ZBTB46: variants seen among roughly 807,000 people sequenced by gnomAD.
ZBTB46 encodes the protein zinc finger and BTB domain containing 46.
In ZBTB46, 8 loss-of-function variants were observed where a neutral mutation model predicts 44.1. That is an observed-to-expected ratio of 0.18 (90% CI 0.11 to 0.33). ZBTB46 has a LOEUF of 0.33. Ranked by LOEUF, ZBTB46 falls within the 10% of genes least tolerant of loss-of-function variation. The probability of loss-of-function intolerance (pLI) is 1.00; values close to 1 mark genes in which losing one functional copy is unlikely to be tolerated. For synonymous variants in ZBTB46, 409 were observed against 382.3 expected (o/e 1.07, Z -0.81); for missense variants, 651 against 847.7 (o/e 0.77, Z 2.88).
At chr20:63,821,794 A>G (rs1297917336) in intron 1 of ZBTB46, among the ~76,000 whole-genome samples, 3 of 152,206 alleles carry the variant, frequency 2.0e-5, no homozygotes, top group African/African-American at 7.2e-5. Flanking sequence ...TACTTAAAGT[A>G]CAGAGTAACA....
chr20:63,809,214 G>A (rs1359522371), intron 1 of ZBTB46, among the ~76,000 whole-genome samples: 3 of 146,326 alleles, frequency 2.1e-5, no homozygotes, highest in Admixed American at 2.0e-4. Context: ...GAGCCAAGGG[G>A]GGCAAGGTCA....
chr20:63,756,786 T>C (rs2092224344), intron 3 of ZBTB46, among the ~76,000 whole-genome samples: 1 of 152,190 alleles, frequency 6.6e-6, no homozygotes, highest in African/African-American at 2.4e-5. Context: ...CCTACCCTCG[T>C]GTTGGGCTTT....
chr20:63,806,635 A>G (rs4809348), intron 1 of ZBTB46, among the ~76,000 whole-genome samples: 27,373 of 151,958 alleles, frequency 0.18, 3,002 homozygotes, highest in East Asian at 0.45. Flanking sequence ...TTGAGATGGA[A>G]TCTGGCTCTG....
At chr20:63,756,199 G>A (rs2145781952) in intron 3 of ZBTB46, among the ~76,000 whole-genome samples, 1 of 152,326 alleles carries the variant, frequency 6.6e-6, no homozygotes, top group South Asian at 2.1e-4. Context: ...TTCCGCTCCA[G>A]GAGAATCGGA....
chr20:63,759,587 G>A (rs1307911022), intron 3 of ZBTB46, among the ~76,000 whole-genome samples: 1 of 152,034 alleles, frequency 6.6e-6, no homozygotes, highest in Non-Finnish European at 1.5e-5. Flanking sequence ...GAGGAGGGGG[G>A]CAAGGGAGGT....
intron 1 of ZBTB46, among the ~76,000 whole-genome samples, chr20:63,812,592 T>C (rs1279463324): frequency 6.6e-6 from 1 of 151,878 alleles, no homozygotes; most frequent in Non-Finnish European, 1.5e-5. Flanking sequence ...CTGGTCAACA[T>C]GTGGAAACCC....
intron 3 of ZBTB46, among the ~76,000 whole-genome samples, chr20:63,758,082 G>A (rs9753647): frequency 0.51 from 2,338 of 4,546 alleles, 599 homozygotes; most frequent in East Asian, 0.66. Flanking sequence ...CGCCCATCCA[G>A]AGCTCACACT....
Position 63,752,740 on chromosome 20 carries a change from G to A in ZBTB46, c.1344C>T (p.Cys448=), listed in dbSNP as rs759572226. ...RSHTGERPYP[C]EICGKKFTRR... is the part of the protein sequence containing the mutation. ...GCGTGAACTTCTTCCCGCAGATCTCGCAGGGGTAGGGCCGCTCTCCCGTGT... is the reference window on the plus strand; with the variant it reads ...GCGTGAACTTCTTCCCGCAGATCTCACAGGGGTAGGGCCGCTCTCCCGTGT... The change falls in exon 4 of 5, where the codon TGC becomes TGT. Residue 448 remains cysteine, a synonymous_variant. Transcript: ENST00000245663. The surrounding 1 kb of genome is among the most constrained non-coding windows in gnomAD (Gnocchi z 5.6). 4 of 1,610,116 alleles carry A rather than the reference G, an allele frequency of 2.5e-6. No homozygotes were observed. Among genetic ancestry groups the A allele is most frequent in the Admixed American group, 1.7e-5 (1 of 59,856 alleles).
chr20:63,790,000 T>C lies in ZBTB46; in HGVS notation c.758A>G (p.Asn253Ser), dbSNP rs769845830. Reference sequence around the variant, plus strand: ...ACCAGCACTCTGCTCTGAGAAAGAGTTCTGTACTGCACCGTCCTTGGCAGA... The same window carrying C: ...ACCAGCACTCTGCTCTGAGAAAGAGCTCTGTACTGCACCGTCCTTGGCAGA... Reference protein sequence around the residue: ...LPSAKDGAVQNSFSEQSAGDA... With the variant: ...LPSAKDGAVQSSFSEQSAGDA... The change falls in exon 2 of 5, where the codon AAC (asparagine) becomes AGC (serine). Residue 253 changes from asparagine to serine, a missense_variant. Physicochemically the swap from Asn to Ser is conservative, Grantham distance 46. This residue lies in a region of ZBTB46 where 385 missense variants were observed against 423.3 expected (regional missense o/e 0.91). Coordinates refer to ENST00000245663, the MANE Select transcript of ZBTB46 (RefSeq NM_001369741.1). The C allele has an allele frequency of 6.2e-7, 1 of 1,614,026 alleles. No homozygotes were observed.
intron 1 of ZBTB46, among the ~76,000 whole-genome samples, chr20:63,822,563 G>A (rs1265993942): frequency 6.6e-6 from 1 of 152,154 alleles, no homozygotes; most frequent in Non-Finnish European, 1.5e-5. Context: ...ACCCTCCCAC[G>A]CTTGGGTTTA....
chr20:63,754,073 G>A (rs1006307496), intron 3 of ZBTB46, among the ~76,000 whole-genome samples: 12 of 152,184 alleles, frequency 7.9e-5, no homozygotes, highest in Admixed American at 7.9e-4. Context: ...TGCCAGGAGC[G>A]CTCATTTTGT....
chr20:63,784,225 C>T (rs1485284024), intron 2 of ZBTB46, among the ~76,000 whole-genome samples: 1 of 152,198 alleles, frequency 6.6e-6, no homozygotes, highest in Admixed American at 6.5e-5. Flanking sequence ...GAGAGAAACC[C>T]TGAGACCCGC....
chr20:63,818,440 G>A (rs2146073313), intron 1 of ZBTB46, among the ~76,000 whole-genome samples: 1 of 152,354 alleles, frequency 6.6e-6, no homozygotes, highest in African/African-American at 2.4e-5. Flanking sequence ...CAGAGGGAGG[G>A]TGGGCCAGGC....
intron 3 of ZBTB46, among the ~76,000 whole-genome samples, chr20:63,753,065 TG>T (rs1475484105): frequency 6.6e-6 from 1 of 152,096 alleles, no homozygotes; most frequent in Non-Finnish European, 1.5e-5. Context: ...GCAGGGGCGG[TG>T]CCAGCAAGGC....
chr20:63,781,766 T>C (rs1256416710), intron 2 of ZBTB46, among the ~76,000 whole-genome samples: 1 of 149,288 alleles, frequency 6.7e-6, no homozygotes, highest in Admixed American at 6.8e-5. Flanking sequence ...CACTCCAGCC[T>C]GGACAACAGA....
intron 2 of ZBTB46, among the ~76,000 whole-genome samples, chr20:63,777,971 A>T (rs2092439084): frequency 6.6e-6 from 1 of 152,234 alleles, no homozygotes. Context: ...TTTCCATTAA[A>T]TATCCAGAAC....
At position 63,781,140 on chromosome 20, in the gene ZBTB46, CAAAAAA is replaced by C. The variant is rs58102231; in HGVS notation, c.938-5184_938-5179del. 1.2e-4 allele frequency among the ~76,000 whole-genome samples: 10 copies of C among 83,934 alleles called. No individual in the cohort carries two copies. In the East Asian group the frequency reaches 3.2e-3, roughly 27 times the overall value. The allele number at this position is 83,934 out of a possible 152,430, so 55.1% of individuals were successfully genotyped here. A position where few individuals can be genotyped will look rare whatever the true frequency, so the allele number is the denominator to read the frequency against. On this transcript the variant is annotated intron_variant, in intron 2 of 4. Transcript: ENST00000245663. ...TGGGTGGCAGAGCAAGACTCTGCCT[CAAAAAA>C]AAAAAAAAAAAAAAAAAGAAAGAAA...
At chr20:63,823,501 A>AAAATAAATAAATAAATAAAT (rs150001627) in intron 1 of ZBTB46, among the ~76,000 whole-genome samples, 8 of 150,938 alleles carry the variant, frequency 5.3e-5, no homozygotes, top group African/African-American at 2.0e-4. Context: ...CTGTCTCAAA[A>AAAATAAATAAATAAATAAAT]AAATAAATAA....
At chr20:63,825,377 G>A (rs2092814051) in intron 1 of ZBTB46, among the ~76,000 whole-genome samples, 1 of 148,760 alleles carries the variant, frequency 6.7e-6, no homozygotes, top group Non-Finnish European at 1.5e-5. Context: ...CTCCAGCCTG[G>A]GGGACAGAAC....
Sources: gnomAD v4.1 joint callset for allele counts (sites outside exome capture counted in the v4.1 genomes callset) on GRCh38, gnomAD v4.1.1 for gene constraint, gnomAD v4.1.1 regional missense constraint, Gnocchi (gnomAD v3.1) non-coding constraint, MANE v1.5 for transcripts, NCBI Gene and HGNC (gene_info 2026-07-23, HGNC 2026-07-21) for gene names.